Variants in CSMD1 observed in about 807,000 individuals in gnomAD.
CSMD1 encodes the protein CUB and sushi domain-containing protein 1.
In CSMD1, 213 loss-of-function variants were observed where a neutral mutation model predicts 417.5. The ratio of observed to expected loss-of-function variants is 0.51; its 90% CI spans 0.46 to 0.57. CSMD1 has a LOEUF of 0.57. CSMD1 is among the 20% of genes least tolerant of loss of function. The pLI, the probability that CSMD1 is intolerant of heterozygous loss-of-function variation, is 0.00. For missense variants in CSMD1, 6,923 were observed against 4,529.7 expected, an observed-to-expected ratio of 1.53 and a Z score of -15.17; for synonymous variants, 2,862 against 1,736.8, an observed-to-expected ratio of 1.65 and a Z score of -16.11.
chr8:4,283,993 G>A (rs1796926186), intron 3 of CSMD1, among the ~76,000 whole-genome samples: 1 of 152,188 alleles, frequency 6.6e-6, no homozygotes, highest in Non-Finnish European at 1.5e-5. Context: ...AGCACTTTGG[G>A]AGGCCGAGGA....
At chr8:3,523,252 A>G (rs1397794189) in intron 10 of CSMD1, among the ~76,000 whole-genome samples, 1 of 152,236 alleles carries the variant, frequency 6.6e-6, no homozygotes, top group African/African-American at 2.4e-5. Context: ...AGCATCTACC[A>G]TATAGGATTT....
At chr8:3,167,828 T>C (rs754867872) in intron 37 of CSMD1, among the ~76,000 whole-genome samples, 15 of 152,214 alleles carry the variant, frequency 9.9e-5, no homozygotes, top group African/African-American at 1.2e-4. Flanking sequence ...CTGGAATTTA[T>C]TGTAGCCATT....
chr8:4,100,410 A>G (rs998072258), intron 3 of CSMD1, among the ~76,000 whole-genome samples: 9 of 151,960 alleles, frequency 5.9e-5, no homozygotes, highest in African/African-American at 1.9e-4. Context: ...TCAGCCAACT[A>G]CTCTGTAGCC....
intron 20 of CSMD1, among the ~76,000 whole-genome samples, chr8:3,361,764 T>A (rs566051807): frequency 6.6e-6 from 1 of 152,028 alleles, no homozygotes; most frequent in Non-Finnish European, 1.5e-5. Context: ...CATGATCTTA[T>A]GGTTCTTTGC....
chr8:4,251,929 G>C (rs145173053), intron 3 of CSMD1, among the ~76,000 whole-genome samples: 2,315 of 151,808 alleles, frequency 0.015, 34 homozygotes, highest in Non-Finnish European at 0.022. Flanking sequence ...AATGGGAAGG[G>C]AGGGAAAGAG....
At chr8:4,395,744 G>C (rs992670285) in intron 3 of CSMD1, among the ~76,000 whole-genome samples, 2 of 149,814 alleles carry the variant, frequency 1.3e-5, no homozygotes, top group Non-Finnish European at 3.0e-5. Context: ...TGTTTCTGCT[G>C]TGTAAGCATT....
At chr8:4,136,326 A>G (rs1273818104) in intron 3 of CSMD1, among the ~76,000 whole-genome samples, 1 of 152,180 alleles carries the variant, frequency 6.6e-6, no homozygotes, top group Non-Finnish European at 1.5e-5. Context: ...CACTATCTTG[A>G]TCTGTTAGTG....
chr8:3,166,965 T>C (rs1165890209), intron 37 of CSMD1, among the ~76,000 whole-genome samples: 1 of 152,158 alleles, frequency 6.6e-6, no homozygotes, highest in African/African-American at 2.4e-5. Flanking sequence ...TAATATATCA[T>C]ATGGGGTGAA....
chr8:3,920,673 C>G (rs1809178099), intron 5 of CSMD1, among the ~76,000 whole-genome samples: 1 of 151,908 alleles, frequency 6.6e-6, no homozygotes, highest in African/African-American at 2.4e-5. Context: ...TTGTTGAGAG[C>G]TTTTATCAGG....
chr8:3,618,570 T>G (rs948787758), intron 7 of CSMD1, among the ~76,000 whole-genome samples: 1 of 152,146 alleles, frequency 6.6e-6, no homozygotes, highest in Non-Finnish European at 1.5e-5. Context: ...TTCTCAATAT[T>G]ATATCAAAAT....
At chr8:4,193,592 G>C (rs1231725381) in intron 3 of CSMD1, among the ~76,000 whole-genome samples, 1 of 152,028 alleles carries the variant, frequency 6.6e-6, no homozygotes, top group African/African-American at 2.4e-5. Flanking sequence ...GAGGATGAGG[G>C]TCCCACCGGG....
At chr8:4,520,967 C>T (rs529723780) in intron 2 of CSMD1, among the ~76,000 whole-genome samples, 138 of 152,186 alleles carry the variant, frequency 9.1e-4, no homozygotes, top group African/African-American at 2.8e-3. Flanking sequence ...ATCTGCTGCT[C>T]ATTTGGAATT....
intron 1 of CSMD1, among the ~76,000 whole-genome samples, chr8:4,984,066 C>T (rs1291499123): frequency 6.6e-6 from 1 of 152,142 alleles, no homozygotes; most frequent in Non-Finnish European, 1.5e-5. Context: ...ATGCTGTACC[C>T]TACAGAGAAA....
At chr8:3,435,574 G>A (rs979903844) in intron 12 of CSMD1, among the ~76,000 whole-genome samples, 15 of 152,112 alleles carry the variant, frequency 9.9e-5, no homozygotes, top group African/African-American at 3.6e-4. Context: ...AGCACATCTC[G>A]TCATGTCTGT....
chr8:3,891,723 G>C (rs191256948), intron 5 of CSMD1, among the ~76,000 whole-genome samples: 3 of 151,994 alleles, frequency 2.0e-5, no homozygotes, highest in African/African-American at 4.8e-5. Flanking sequence ...CCTAACACTA[G>C]TCTCCCAGGC....
chr8:3,978,528 T>A (rs2554718), intron 5 of CSMD1, among the ~76,000 whole-genome samples: 1 of 151,916 alleles, frequency 6.6e-6, no homozygotes, highest in East Asian at 1.9e-4. Context: ...GAAACACACT[T>A]ATGTGAGTTT....
chr8:4,751,398 G>T (rs1811316934), intron 1 of CSMD1, among the ~76,000 whole-genome samples: 2 of 151,894 alleles, frequency 1.3e-5, no homozygotes. Context: ...CTCAGGGGGG[G>T]TGGCGGGGCA....
intron 25 of CSMD1, among the ~76,000 whole-genome samples, chr8:3,286,806 G>T (rs971462233): frequency 6.6e-6 from 1 of 152,088 alleles, no homozygotes; most frequent in African/African-American, 2.4e-5. Flanking sequence ...TTCTTGTGCT[G>T]TGCAGAAGCT....
chr8:3,999,023 T>C lies in CSMD1; in HGVS notation c.611-913A>G, dbSNP rs141236844. 1.9e-3 allele frequency among the ~76,000 whole-genome samples: 288 copies of C among 149,324 alleles called. 3 individuals carry two copies. The East Asian group carries it at 0.039, about 20-fold the overall frequency. On this transcript the variant is annotated intron_variant, in intron 4 of 69. Transcript: ENST00000635120. ...ATATATAAATAACATATAAACTATA[T>C]GATACTTTATATACTATATATAGCT...
Sources: allele counts gnomAD v4.1 joint callset (sites outside exome capture counted in the v4.1 genomes callset), GRCh38; gene constraint gnomAD v4.1.1; transcripts MANE v1.5; gene names NCBI Gene and HGNC (gene_info 2026-07-23, HGNC 2026-07-21).